Variants in CCSER1 observed in about 807,000 individuals in gnomAD.
CCSER1 encodes coiled-coil serine rich protein 1.
A neutral mutation model predicts 82.0 loss-of-function variants in CCSER1; 41 were observed. The ratio of observed to expected loss-of-function variants is 0.50; its 90% CI spans 0.39 to 0.65. The LOEUF (loss-of-function observed/expected upper bound fraction) is 0.65. CCSER1 is among the 30% of genes least tolerant of loss of function. The probability of loss-of-function intolerance (pLI) is 0.00; values close to 1 mark genes in which losing one functional copy is unlikely to be tolerated. For missense variants in CCSER1, 1,119 were observed against 1,064.2 expected (o/e 1.05, Z -0.72); for synonymous variants, 414 against 383.9 (o/e 1.08, Z -0.92).
At chr4:90,606,961 G>A (rs12650438) in intron 5 of CCSER1, among the ~76,000 whole-genome samples, 73,068 of 152,024 alleles carry the variant, frequency 0.48, 20,864 homozygotes, top group African/African-American at 0.8. Flanking sequence ...TGGCCTGAAG[G>A]TATTTTCATA....
At chr4:91,103,666 C>A (rs1316869693) in intron 10 of CCSER1, among the ~76,000 whole-genome samples, 1 of 152,056 alleles carries the variant, frequency 6.6e-6, no homozygotes, top group Non-Finnish European at 1.5e-5. Context: ...ATCTCTTAAT[C>A]CTGTTATCTT....
intron 10 of CCSER1, among the ~76,000 whole-genome samples, chr4:91,406,530 G>A (rs1342286397): frequency 6.6e-6 from 1 of 152,120 alleles, no homozygotes; most frequent in East Asian, 1.9e-4. Context: ...TCATCTGTTT[G>A]TAAATAAGCA....
intron 3 of CCSER1, among the ~76,000 whole-genome samples, chr4:90,321,038 T>G (rs1737060248): frequency 6.6e-6 from 1 of 152,174 alleles, no homozygotes; most frequent in Non-Finnish European, 1.5e-5. Context: ...ATCTATCACC[T>G]CAAGCATTTA....
intron 3 of CCSER1, among the ~76,000 whole-genome samples, chr4:90,361,525 C>T (rs1007399751): frequency 1.3e-5 from 2 of 152,016 alleles, no homozygotes; most frequent in African/African-American, 4.8e-5. Context: ...ATTTTGGGTT[C>T]GGGGGTATTT....
intron 10 of CCSER1, among the ~76,000 whole-genome samples, chr4:91,132,829 T>G (rs714185): frequency 0.36 from 55,261 of 152,022 alleles, 11,158 homozygotes; most frequent in East Asian, 0.46. Context: ...AAAAAACCTA[T>G]CCTTGATCTT....
chr4:90,400,894 G>T lies in CCSER1; in HGVS notation c.1603+765G>T, dbSNP rs1172420848. ...ACATAGTCATTTTCAAGTGGATATA[G>T]CATTAAACTAAAGCTTTAGAACGTT... On this transcript the variant is annotated intron_variant, in intron 4 of 10. Coordinates refer to ENST00000509176, the MANE Select transcript of CCSER1 (RefSeq NM_001145065.2). Among the ~76,000 whole-genome samples the T allele has an allele frequency of 2.0e-5, 3 of 151,960 alleles. No individual in the cohort carries two copies. In the South Asian group the frequency reaches 6.2e-4, roughly 31 times the overall value.
intron 6 of CCSER1, among the ~76,000 whole-genome samples, chr4:90,695,314 A>G (rs1736810281): frequency 6.6e-6 from 1 of 151,942 alleles, no homozygotes; most frequent in African/African-American, 2.4e-5. Context: ...TGCATCTAAT[A>G]CTAAGCACTC....
chr4:91,359,664 A>G (rs1749114567), intron 10 of CCSER1, among the ~76,000 whole-genome samples: 1 of 151,974 alleles, frequency 6.6e-6, no homozygotes, highest in East Asian at 1.9e-4. Flanking sequence ...TTCAGGAGAG[A>G]AAAGGATATT....
At chr4:91,440,469 A>C (rs1034112584) in intron 10 of CCSER1, among the ~76,000 whole-genome samples, 2 of 152,184 alleles carry the variant, frequency 1.3e-5, no homozygotes, top group African/African-American at 2.4e-5. Flanking sequence ...CGTTCAAAGC[A>C]GTGTGTAGAG....
In CCSER1 at chr4:90,978,734, G is replaced by A. The variant is rs907787923; in HGVS notation, c.2172+55287G>A. 6.6e-5 allele frequency among the ~76,000 whole-genome samples: 10 copies of A among 151,728 alleles called. No individual in the cohort carries two copies. The East Asian group carries it at 1.2e-3, about 18-fold the overall frequency. ...TCAGTTAGGTTAGATGATGTTCCTT[G>A]GAAAATGTGAAGTTTATATGTTTTG... On this transcript the variant is annotated intron_variant, in intron 9 of 10. Transcript: ENST00000509176.
rs1298333796 is a variant in CCSER1 at position 91,602,711 on chromosome 4, A to G, written c.*3654A>G. Among the ~76,000 whole-genome samples the G allele has an allele frequency of 1.3e-5, 2 of 152,072 alleles. No homozygotes were observed. Among genetic ancestry groups the G allele is most frequent in the African/African-American group, 4.8e-5 (2 of 41,444 alleles). On this transcript the variant is annotated 3_prime_UTR_variant, in exon 11 of 11. Coordinates refer to ENST00000509176, the MANE Select transcript of CCSER1 (RefSeq NM_001145065.2). Reference sequence around the variant, plus strand: ...AATAACCCTAAGATTCCATTGAAACATATACACACAGATGAAACTAGAAAA... The same window carrying G: ...AATAACCCTAAGATTCCATTGAAACGTATACACACAGATGAAACTAGAAAA...
intron 8 of CCSER1, among the ~76,000 whole-genome samples, chr4:90,831,077 A>G (rs17017719): frequency 0.11 from 16,350 of 151,978 alleles, 986 homozygotes; most frequent in African/African-American, 0.14. Context: ...AGCACAATTA[A>G]TGAACTATCT....
At chr4:91,490,824 A>T (rs1188764684) in intron 10 of CCSER1, among the ~76,000 whole-genome samples, 1 of 122,554 alleles carries the variant, frequency 8.2e-6, no homozygotes, top group Non-Finnish European at 1.7e-5. Flanking sequence ...ATTTACCCTG[A>T]TATGATGATT....
chr4:90,415,486 A>C (rs1755651634), intron 4 of CCSER1, among the ~76,000 whole-genome samples: 1 of 152,222 alleles, frequency 6.6e-6, no homozygotes, highest in Non-Finnish European at 1.5e-5. Flanking sequence ...GTCAGACAGA[A>C]AGTAATTACC....
At chr4:90,952,591 A>G (rs142854200) in intron 9 of CCSER1, among the ~76,000 whole-genome samples, 9 of 152,188 alleles carry the variant, frequency 5.9e-5, no homozygotes, top group African/African-American at 1.9e-4. Flanking sequence ...CTTGTTTACT[A>G]TCTCATAGAA....
chr4:91,194,012 C>T lies in CCSER1; in HGVS notation c.2217+108018C>T, dbSNP rs145542657. 6.1e-3 allele frequency among the ~76,000 whole-genome samples: 923 copies of T among 152,216 alleles called. 8 individuals are homozygous for T. Among genetic ancestry groups the T allele is most frequent in the African/African-American group, 0.021 (865 of 41,540 alleles). On this transcript the variant is annotated intron_variant, in intron 10 of 10. Coordinates refer to ENST00000509176, the MANE Select transcript of CCSER1 (RefSeq NM_001145065.2). ...TGAGACGTAGTCTCACTCTGTTGCC[C>T]AGGCTGGAGTACAGTGGCATGATCT...
chr4:91,204,417 T>A (rs1736174930), intron 10 of CCSER1, among the ~76,000 whole-genome samples: 1 of 151,836 alleles, frequency 6.6e-6, no homozygotes, highest in Non-Finnish European at 1.5e-5. Flanking sequence ...CTTTGCTATA[T>A]GTTCTGGAGT....
At chr4:91,075,014 T>C (rs967618684) in intron 9 of CCSER1, among the ~76,000 whole-genome samples, 2 of 152,172 alleles carry the variant, frequency 1.3e-5, no homozygotes, top group Admixed American at 1.3e-4. Context: ...GAAATCCTTA[T>C]GACATGATAG....
chr4:90,212,232 C>A (rs942272276), intron 1 of CCSER1, among the ~76,000 whole-genome samples: 1 of 152,068 alleles, frequency 6.6e-6, no homozygotes, highest in African/African-American at 2.4e-5. Context: ...GGAAAAGCAG[C>A]TGTATTTGTT....
Sources: gnomAD v4.1 joint callset for allele counts (sites outside exome capture counted in the v4.1 genomes callset) on GRCh38, gnomAD v4.1.1 for gene constraint, MANE v1.5 for transcripts, NCBI Gene and HGNC (gene_info 2026-07-23, HGNC 2026-07-21) for gene names.